Variants in PRKN observed in about 807,000 individuals in gnomAD.
The protein encoded by PRKN is parkin RBR E3 ubiquitin protein ligase.
PRKN carries 56 observed loss-of-function variants against 59.5 expected under a neutral mutation model. That is an observed-to-expected ratio of 0.94 (90% CI 0.76 to 1.18). PRKN has a LOEUF of 1.18. PRKN is among the 50% of genes most tolerant of loss of function. PRKN has a pLI of 0.00. For missense variants in PRKN, 657 were observed against 596.4 expected (o/e 1.10, Z -1.06); for synonymous variants, 250 against 222.1 (o/e 1.13, Z -1.12).
At chr6:162,536,566 C>G (rs911354132) in intron 1 of PRKN, among the ~76,000 whole-genome samples, 4 of 151,460 alleles carry the variant, frequency 2.6e-5, no homozygotes, top group African/African-American at 9.7e-5. Context: ...AGGGATTCCA[C>G]TGTGCTATCT....
chr6:162,613,433 T>C (rs1292519598), intron 1 of PRKN, among the ~76,000 whole-genome samples: 1 of 152,238 alleles, frequency 6.6e-6, no homozygotes, highest in Non-Finnish European at 1.5e-5. Flanking sequence ...ACCATAGATT[T>C]GTAATAATTC....
intron 1 of PRKN, among the ~76,000 whole-genome samples, chr6:162,457,191 A>C (rs1430293061): frequency 6.6e-6 from 1 of 152,224 alleles, no homozygotes; most frequent in Admixed American, 6.5e-5. Context: ...GCAAATATGG[A>C]ACCCGTGAAA....
chr6:161,557,676 A>C (rs2115450593), intron 8 of PRKN, among the ~76,000 whole-genome samples: 1 of 152,358 alleles, frequency 6.6e-6, no homozygotes, highest in Non-Finnish European at 1.5e-5. Flanking sequence ...GAAGAAAAGA[A>C]TCTAATTTTA....
chr6:162,613,629 A>T (rs1217426375), intron 1 of PRKN, among the ~76,000 whole-genome samples: 1 of 152,200 alleles, frequency 6.6e-6, no homozygotes, highest in Non-Finnish European at 1.5e-5. Flanking sequence ...CTTCACCAAC[A>T]ATTACAATCC....
chr6:162,342,355 C>T (rs533340407), intron 2 of PRKN, among the ~76,000 whole-genome samples: 10 of 152,242 alleles, frequency 6.6e-5, no homozygotes, highest in Middle Eastern at 6.8e-3. Context: ...AACAAAACAA[C>T]GTTGGTGTTT....
At chr6:161,895,685 C>CCGTTATG (rs1237482506) in intron 6 of PRKN, among the ~76,000 whole-genome samples, 3 of 128,510 alleles carry the variant, frequency 2.3e-5, no homozygotes, top group African/African-American at 9.7e-5. Context: ...TGCTGTTATG[C>CCGTTATG]CCCCCAGTGA....
At chr6:162,094,227 T>C (rs1281864213) in intron 4 of PRKN, among the ~76,000 whole-genome samples, 2 of 152,058 alleles carry the variant, frequency 1.3e-5, no homozygotes, top group Non-Finnish European at 2.9e-5. Context: ...TGGTGGTTCA[T>C]GCCTATAAGT....
At chr6:161,803,892 G>A (rs1177094774) in intron 6 of PRKN, among the ~76,000 whole-genome samples, 1 of 152,208 alleles carries the variant, frequency 6.6e-6, no homozygotes, top group Non-Finnish European at 1.5e-5. Flanking sequence ...GTGAGAAGCA[G>A]GAGTTTGTCA....
Position 162,168,301 on chromosome 6 carries a change from C to T in PRKN, c.534+32830G>A, listed in dbSNP as rs1025192888. Among the ~76,000 whole-genome samples the T allele has an allele frequency of 3.7e-4, 56 of 152,094 alleles. 1 individual carries two copies. The highest frequency in any genetic ancestry group is 1.3e-3 in the African/African-American group (52 of 41,526). On this transcript the variant is annotated intron_variant, in intron 4 of 11. Coordinates refer to ENST00000366898, the MANE Select transcript of PRKN (RefSeq NM_004562.3). ...CAGGCTTAAAGAATGATTAGGTACA[C>T]TTAAAGTTGGGTACTCCTATCAAAA...
At chr6:161,601,643 C>CGCGATCTCGGCTCACT (rs1428631164) in intron 7 of PRKN, among the ~76,000 whole-genome samples, 1 of 148,924 alleles carries the variant, frequency 6.7e-6, no homozygotes, top group Non-Finnish European at 1.5e-5. Flanking sequence ...AGTGCAGTGG[C>CGCGATCTCGGCTCACT]GCGATCTCGG....
intron 2 of PRKN, among the ~76,000 whole-genome samples, chr6:162,345,893 G>C (rs1784383589): frequency 6.6e-6 from 1 of 152,126 alleles, no homozygotes; most frequent in South Asian, 2.1e-4. Context: ...GTATGTTGAT[G>C]GTATTTGGAG....
At chr6:161,750,098 C>CATATATATATATATATATATATATATAT (rs72125109) in intron 7 of PRKN, among the ~76,000 whole-genome samples, 1 of 145,112 alleles carries the variant, frequency 6.9e-6, no homozygotes, top group African/African-American at 2.6e-5. Flanking sequence ...ACACATAGGA[C>CATATATATATATATATATATATATATAT]ATATATATAT....
chr6:162,669,286 C>T (rs1228772680), intron 1 of PRKN, among the ~76,000 whole-genome samples: 1 of 151,742 alleles, frequency 6.6e-6, no homozygotes, highest in Non-Finnish European at 1.5e-5. Context: ...TTAATAGCAA[C>T]AAATTAGAAG....
At chr6:161,370,147 AG>A (rs1228189932) in intron 10 of PRKN, among the ~76,000 whole-genome samples, 2 of 152,038 alleles carry the variant, frequency 1.3e-5, no homozygotes, top group Non-Finnish European at 2.9e-5. Flanking sequence ...TAAAAACACA[AG>A]TATGGGAGGC....
chr6:162,491,886 G>A (rs925414857), intron 1 of PRKN, among the ~76,000 whole-genome samples: 1 of 152,172 alleles, frequency 6.6e-6, no homozygotes, highest in Non-Finnish European at 1.5e-5. Flanking sequence ...TGTTCCCTGA[G>A]AAATAAACTG....
chr6:161,902,557 T>TC (rs762251427), intron 6 of PRKN, among the ~76,000 whole-genome samples: 9 of 132,246 alleles, frequency 6.8e-5, no homozygotes, highest in Non-Finnish European at 1.4e-4. Context: ...TATTTATTTA[T>TC]TTATTTATTT....
At chr6:161,777,624 T>C (rs1435850486) in intron 7 of PRKN, among the ~76,000 whole-genome samples, 2 of 147,538 alleles carry the variant, frequency 1.4e-5, no homozygotes, top group Non-Finnish European at 3.0e-5. Flanking sequence ...TGGAAAATGG[T>C]TTGCTAACTC....
In PRKN at chr6:161,740,947, A is replaced by G. The variant is rs1231834657; in HGVS notation, c.871+44825T>C. 2.0e-5 allele frequency among the ~76,000 whole-genome samples: 3 copies of G among 152,236 alleles called. No individual in the cohort carries two copies. In the South Asian group the frequency reaches 6.2e-4, roughly 32 times the overall value. ...TTGTCTCACTCCCTGGACTGAATTG[A>G]TGGTCCAGAGGCTTTAAAATACTCA... On this transcript the variant is annotated intron_variant, in intron 7 of 11. Coordinates refer to ENST00000366898, the MANE Select transcript of PRKN (RefSeq NM_004562.3).
intron 1 of PRKN, among the ~76,000 whole-genome samples, chr6:162,604,038 CCT>C (rs944404039): frequency 2.6e-5 from 4 of 152,258 alleles, no homozygotes; most frequent in African/African-American, 9.6e-5. Flanking sequence ...TCAACACCTC[CCT>C]CTGTTGCCTG....
Sources: allele counts gnomAD v4.1 joint callset (sites outside exome capture counted in the v4.1 genomes callset), GRCh38; gene constraint gnomAD v4.1.1; transcripts MANE v1.5; gene names NCBI Gene and HGNC (gene_info 2026-07-23, HGNC 2026-07-21).